The following MACC1 variants were observed in gnomAD, a reference collection of about 807,000 sequenced individuals.
MACC1 encodes MET transcriptional regulator MACC1.
In MACC1, 79 loss-of-function variants were observed where a neutral mutation model predicts 70.7. That is an observed-to-expected ratio of 1.12 (90% confidence interval 0.93 to 1.35). The LOEUF is 1.35. Among genes scored for constraint, MACC1 ranks in the 40% most tolerant of loss-of-function variants. MACC1 has a pLI of 0.00. For missense variants in MACC1, 1,106 were observed against 978.1 expected, an observed-to-expected ratio of 1.13 and a Z score of -1.74; for synonymous variants, 361 against 347.2, an observed-to-expected ratio of 1.04 and a Z score of -0.44.
intron 1 of MACC1, among the ~76,000 whole-genome samples, chr7:20,175,995 T>C (rs2128105207): frequency 6.6e-6 from 1 of 152,176 alleles, no homozygotes. Context: ...TCGATATCCT[T>C]CAGTATTATT....
At chr7:20,193,994 G>A (rs900719963) in intron 1 of MACC1, among the ~76,000 whole-genome samples, 1 of 152,166 alleles carries the variant, frequency 6.6e-6, no homozygotes, top group African/African-American at 2.4e-5. Context: ...AGCAAGATCT[G>A]GAATTTAGGT....
intron 1 of MACC1, among the ~76,000 whole-genome samples, chr7:20,172,134 T>C (rs562141578): frequency 5.8e-4 from 89 of 152,350 alleles, no homozygotes; most frequent in Non-Finnish European, 1.1e-3. Flanking sequence ...TGTTACTCAC[T>C]GATTCAGGAA....
At position 20,159,569 on chromosome 7, in the gene MACC1, A is replaced by G. The variant is rs1583388479; in HGVS notation, c.792T>C (p.Asp264=). The G allele has an allele frequency of 6.2e-7, 1 of 1,614,108 alleles. No individual in the cohort carries two copies. Among genetic ancestry groups the G allele is most frequent in the Non-Finnish European group, 8.5e-7 (1 of 1,180,020 alleles). Residue 264 remains aspartate, a synonymous_variant, in exon 5 of 7, where the codon GAT becomes GAC. Transcript: ENST00000400331. ...FLDPPHMLNH[D]LSCTVSPLLE... is the part of the protein sequence containing the mutation. ...ACAACGGGCTCACAGTGCACGAAAG[A>G]TCATGGTTAAGCATGTGTGGCGGAT...
At chr7:20,166,495 G>C (rs1007278288) in intron 2 of MACC1, among the ~76,000 whole-genome samples, 3 of 152,048 alleles carry the variant, frequency 2.0e-5, no homozygotes, top group African/African-American at 7.2e-5. Context: ...CTCTCTGATT[G>C]GTAATTTTTA....
chr7:20,164,553 C>T (rs772687706), intron 2 of MACC1, among the ~76,000 whole-genome samples, 154 bp from the exon 3 acceptor site: 29 of 151,970 alleles, frequency 1.9e-4, no homozygotes, highest in Non-Finnish European at 3.5e-4. Context: ...TTAAAAAAAT[C>T]CAATGTTGCA....
At chr7:20,199,079 A>C (rs551093969) in intron 1 of MACC1, among the ~76,000 whole-genome samples, 1 of 152,356 alleles carries the variant, frequency 6.6e-6, no homozygotes, top group Non-Finnish European at 1.5e-5. Context: ...ATTTGAATTT[A>C]TGGAGGGCCT....
At chr7:20,142,464 C>G (rs551720332) in intron 6 of MACC1, among the ~76,000 whole-genome samples, 2 of 152,272 alleles carry the variant, frequency 1.3e-5, no homozygotes, top group South Asian at 4.2e-4. Flanking sequence ...TATACCATAT[C>G]AGCATATGGT....
chr7:20,189,829 A>G (rs558557816), intron 1 of MACC1, among the ~76,000 whole-genome samples: 2 of 152,204 alleles, frequency 1.3e-5, no homozygotes, highest in Admixed American at 1.3e-4. Flanking sequence ...GACTTAGCTC[A>G]GGCTTCTGTA....
At chr7:20,205,491 C>A (rs1358805675) in intron 1 of MACC1, among the ~76,000 whole-genome samples, 1 of 151,456 alleles carries the variant, frequency 6.6e-6, no homozygotes, top group Non-Finnish European at 1.5e-5. Flanking sequence ...ATCACCTCAC[C>A]TGTAATTCAA....
chr7:20,213,874 A>G (rs2128109830), intron 1 of MACC1, among the ~76,000 whole-genome samples: 1 of 152,328 alleles, frequency 6.6e-6, no homozygotes, highest in African/African-American at 2.4e-5. Flanking sequence ...TACCTATGTA[A>G]CAAACCTACA....
At chr7:20,216,562 G>A (rs1783073686) in intron 1 of MACC1, among the ~76,000 whole-genome samples, 1 of 152,022 alleles carries the variant, frequency 6.6e-6, no homozygotes, top group South Asian at 2.1e-4. Context: ...ATGTGAGTTT[G>A]ACTACTCCAG....
chr7:20,188,832 T>C (rs1450583422), intron 1 of MACC1, among the ~76,000 whole-genome samples: 1 of 152,242 alleles, frequency 6.6e-6, no homozygotes, highest in African/African-American at 2.4e-5. Flanking sequence ...ATAGTCAGAT[T>C]ATATTACTTG....
At position 20,159,007 on chromosome 7, in the gene MACC1, T is replaced by C. The variant is rs191210999; in HGVS notation, c.1354A>G (p.Arg452Gly). The C allele has an allele frequency of 3.1e-6, 5 of 1,613,926 alleles. No homozygotes were observed. The Admixed American group carries it at 8.3e-5, about 27-fold the overall frequency. The change falls in exon 5 of 7, where the codon AGG (arginine) becomes GGG (glycine). Residue 452 changes from arginine to glycine, a missense_variant. Transcript: ENST00000400331. ...PDFEVKTEGE[R>G]KEIKQKQLEA... ...AACTGCTTTTGTTTAATTTCTTTCC[T>C]TTCTCCTTCTGTCTTTACTTCAAAA...
At position 20,158,775 on chromosome 7, in the gene MACC1, G is replaced by C. The variant is rs530455956; in HGVS notation, c.1586C>G (p.Ser529Cys). The C allele has an allele frequency of 5.5e-5, 88 of 1,614,096 alleles. No homozygotes were observed. The South Asian group carries it at 8.9e-4, about 16-fold the overall frequency. The change falls in exon 5 of 7, where the codon TCT becomes TGT. Residue 529 changes from serine to cysteine, a missense_variant. Ser to Cys is a moderately radical substitution (Grantham distance 112). Transcript: ENST00000400331. ...AAGAATTTTTGGTGATAAAGGAGCA[G>C]ACTTGATTTCCTCCTTCTTCTGCAA... The part of the protein sequence containing the change: ...GYLQKKEEIK[S>C]APLSPKILVK...
At chr7:20,183,113 CA>C (rs1485029335) in intron 1 of MACC1, among the ~76,000 whole-genome samples, 3 of 152,138 alleles carry the variant, frequency 2.0e-5, no homozygotes, top group African/African-American at 7.2e-5. Flanking sequence ...CATTGTATGG[CA>C]AAAGGGAATT....
At chr7:20,178,916 A>G (rs530801056) in intron 1 of MACC1, among the ~76,000 whole-genome samples, 286 of 152,136 alleles carry the variant, frequency 1.9e-3, no homozygotes, top group African/African-American at 6.3e-3. Context: ...TACCTTTTTT[A>G]TCATGCTAAG....
intron 1 of MACC1, among the ~76,000 whole-genome samples, chr7:20,198,072 G>A (rs1017025365): frequency 7.0e-5 from 7 of 99,880 alleles, no homozygotes; most frequent in African/African-American, 2.5e-4. Context: ...TTACCACAGT[G>A]GCTAATCCAG....
intron 1 of MACC1, among the ~76,000 whole-genome samples, chr7:20,189,088 T>G (rs999172602): frequency 6.6e-6 from 1 of 152,172 alleles, no homozygotes; most frequent in African/African-American, 2.4e-5. Context: ...AAAAACACTC[T>G]TTCCCCTGAT....
intron 1 of MACC1, among the ~76,000 whole-genome samples, chr7:20,181,835 A>G (rs1782512158): frequency 2.0e-5 from 3 of 152,210 alleles, no homozygotes; most frequent in Non-Finnish European, 4.4e-5. Context: ...AGAGAGAGAA[A>G]AAATATTATT....
Sources: gnomAD v4.1 joint callset for allele counts (sites outside exome capture counted in the v4.1 genomes callset) on GRCh38, gnomAD v4.1.1 for gene constraint, MANE v1.5 for transcripts, NCBI Gene and HGNC (gene_info 2026-07-23, HGNC 2026-07-21) for gene names.